Variants in NDE1 observed in about 807,000 individuals in gnomAD.
NDE1 encodes the protein nudE neurodevelopment protein 1, also known as nuclear distribution protein nudE homolog 1.
Under a neutral mutation model 43.4 loss-of-function variants are expected in NDE1, and 28 were observed. The ratio of observed to expected loss-of-function variants is 0.65; its 90% CI spans 0.48 to 0.89. The LOEUF is 0.89. Ranked by LOEUF, NDE1 falls within the 40% of genes least tolerant of loss-of-function variation. The probability of loss-of-function intolerance (pLI) is 0.00; values close to 1 mark genes in which losing one functional copy is unlikely to be tolerated. For missense variants in NDE1, 441 were observed against 434.1 expected (o/e 1.02, Z -0.14); for synonymous variants, 184 against 172.0 (o/e 1.07, Z -0.55).
chr16:15,656,636 G>C (rs539744437), intron 1 of NDE1, among the ~76,000 whole-genome samples: 225 of 152,184 alleles, frequency 1.5e-3, no homozygotes, highest in Admixed American at 4.5e-3. Context: ...CACCTCCCGG[G>C]TTCAAGAGTT....
intron 8 of NDE1, chr16:15,714,192 G>A (rs2039983854): frequency 6.5e-6 from 1 of 153,286 alleles, no homozygotes; most frequent in Admixed American, 6.5e-5. Context: ...GGTGGTGGAA[G>A]CAGCCCTTGG....
intron 1 of NDE1, chr16:15,651,478 C>T (rs1011903653): frequency 1.4e-5 from 2 of 145,402 alleles, no homozygotes; most frequent in African/African-American, 5.1e-5. Flanking sequence ...GAGTCTCACT[C>T]TCGCCCAGGT....
intron 3 of NDE1, among the ~76,000 whole-genome samples, 188 bp downstream of exon 3, chr16:15,667,627 G>GTTTTTTTTTT (rs1177615503): frequency 4.4e-5 from 5 of 113,144 alleles, no homozygotes; most frequent in Admixed American, 9.9e-5. Flanking sequence ...GGTGCTTTTT[G>GTTTTTTTTTT]TTTTGTTTTT....
At chr16:15,717,662 G>A (rs947263428) in intron 8 of NDE1, 1 of 459,602 alleles carries the variant, frequency 2.2e-6, no homozygotes, top group Non-Finnish European at 4.0e-6. Flanking sequence ...GGGCAGTGGT[G>A]GCACGTGCCT....
intron 8 of NDE1, chr16:15,720,033 A>C: frequency 7.2e-7 from 1 of 1,390,982 alleles, no homozygotes; most frequent in Non-Finnish European, 1.0e-6. Flanking sequence ...ACCCCAGCTG[A>C]ACCCACACCA....
chr16:15,677,652 T>C (rs1450091206), intron 3 of NDE1, 149 bp from the exon 4 acceptor site: 1 of 773,540 alleles, frequency 1.3e-6, no homozygotes, highest in African/African-American at 1.7e-5. Flanking sequence ...GTTACAGTCA[T>C]AGCTCACTGC....
intron 5 of NDE1, among the ~76,000 whole-genome samples, chr16:15,688,843 G>A (rs577781065): frequency 6.6e-6 from 1 of 151,446 alleles, no homozygotes; most frequent in African/African-American, 2.4e-5. Context: ...GACTGCAGGT[G>A]TGCACCACCA....
intron 8 of NDE1, among the ~76,000 whole-genome samples, chr16:15,711,624 A>G (rs1277850701): frequency 6.6e-6 from 1 of 152,186 alleles, no homozygotes; most frequent in Non-Finnish European, 1.5e-5. Flanking sequence ...TGGTGGTATG[A>G]GAATGAAGCG....
intron 8 of NDE1, among the ~76,000 whole-genome samples, chr16:15,715,973 A>G (rs2040109124): frequency 1.3e-5 from 2 of 152,052 alleles, no homozygotes; most frequent in Admixed American, 1.3e-4. Context: ...TAAAAAATAC[A>G]ATTACAAGCT....
At chr16:15,687,832 C>T (rs1475727573) in intron 5 of NDE1, among the ~76,000 whole-genome samples, 1 of 152,214 alleles carries the variant, frequency 6.6e-6, no homozygotes, top group Non-Finnish European at 1.5e-5. Flanking sequence ...AAGATGCTTC[C>T]TGGTCTGTAA....
At chr16:15,697,046 A>C in intron 8 of NDE1, 186 bp downstream of exon 8, 1 of 1,507,884 alleles carries the variant, frequency 6.6e-7, no homozygotes, top group Non-Finnish European at 8.8e-7. Flanking sequence ...ACAAAGGGCT[A>C]GAGAGAGGGT....
intron 8 of NDE1, chr16:15,712,846 GT>G (rs1479148939): frequency 6.8e-6 from 1 of 146,826 alleles, no homozygotes; most frequent in Non-Finnish European, 1.5e-5. Context: ...AGAGTGATGG[GT>G]GGGGGCGAGG....
Position 15,677,942 on chromosome 16 carries a change from G to A in NDE1, c.379G>A (p.Ala127Thr), listed in dbSNP as rs1282325064. Residue 127 changes from alanine to threonine, a missense_variant, in exon 4 of 9, where the codon GCC (alanine) becomes ACC (threonine). Coordinates refer to ENST00000396354, the MANE Select transcript of NDE1 (RefSeq NM_017668.3). Reference sequence around the variant, plus strand: ...GCAAGCAAATGACGACCTGGAAAGAGCCAAGCGGTATGGGTGGAAGGGAAA... The same window carrying A: ...GCAAGCAAATGACGACCTGGAAAGAACCAAGCGGTATGGGTGGAAGGGAAA... Reference protein sequence around the residue: ...LEQANDDLERAKRATIMSLED... With the variant: ...LEQANDDLERTKRATIMSLED... The A allele has an allele frequency of 3.1e-6, 5 of 1,614,072 alleles. No homozygotes were observed. Among genetic ancestry groups the A allele is most frequent in the Non-Finnish European group, 4.2e-6 (5 of 1,180,028 alleles).
intron 8 of NDE1, chr16:15,717,055 C>G: frequency 7.1e-7 from 1 of 1,414,970 alleles, no homozygotes; most frequent in Non-Finnish European, 1.0e-6. Flanking sequence ...AGAACTGATG[C>G]TGGAAGAGGT....
At chr16:15,717,935 G>T (rs2040251615) in intron 8 of NDE1, 1 of 347,830 alleles carries the variant, frequency 2.9e-6, no homozygotes, top group Non-Finnish European at 5.5e-6. Context: ...TTACTGGATG[G>T]TCCCTAGTGC....
chr16:15,709,187 TG>T (rs1184283250), intron 8 of NDE1, among the ~76,000 whole-genome samples: 1 of 152,084 alleles, frequency 6.6e-6, no homozygotes, highest in African/African-American at 2.4e-5. Context: ...ATGATCTTCC[TG>T]CCTTGGCCTC....
intron 4 of NDE1, among the ~76,000 whole-genome samples, chr16:15,678,642 A>G (rs2038009473): frequency 6.6e-6 from 1 of 152,054 alleles, no homozygotes; most frequent in South Asian, 2.1e-4. Flanking sequence ...CGCCCAGCCC[A>G]GTGATTCCTA....
At chr16:15,712,137 G>A (rs1223447453) in intron 8 of NDE1, among the ~76,000 whole-genome samples, 1 of 152,242 alleles carries the variant, frequency 6.6e-6, no homozygotes, top group African/African-American at 2.4e-5. Flanking sequence ...GAGCTGGAGA[G>A]AGGAGCCAGT....
At chr16:15,670,239 C>T (rs1346008697) in intron 3 of NDE1, among the ~76,000 whole-genome samples, 1 of 152,142 alleles carries the variant, frequency 6.6e-6, no homozygotes, top group Non-Finnish European at 1.5e-5. Context: ...GTGCCCAGGG[C>T]TAGGTATGAT....
Sources: allele counts gnomAD v4.1 joint callset (sites outside exome capture counted in the v4.1 genomes callset), GRCh38; gene constraint gnomAD v4.1.1; transcripts MANE v1.5; gene names NCBI Gene and HGNC (gene_info 2026-07-23, HGNC 2026-07-21).